The following WDR4 variants were observed in gnomAD, a reference collection of about 807,000 sequenced individuals.
The protein encoded by WDR4 is tRNA (guanine-N(7)-)-methyltransferase non-catalytic subunit WDR4.
Under a neutral mutation model 48.6 loss-of-function variants are expected in WDR4, and 47 were observed. That is an observed-to-expected ratio of 0.97 (90% CI 0.77 to 1.23). WDR4 has a LOEUF of 1.23. Among genes scored for constraint, WDR4 ranks in the 50% most tolerant of loss-of-function variants. The pLI, the probability that WDR4 is intolerant of heterozygous loss-of-function variation, is 0.00. For missense variants in WDR4, 606 were observed against 551.6 expected, an observed-to-expected ratio of 1.10 and a Z score of -0.99; for synonymous variants, 268 against 230.0, an observed-to-expected ratio of 1.17 and a Z score of -1.49.
At chr21:42,879,836 T>G, upstream of WDR4, 1 of 408,602 alleles carries the variant, frequency 2.4e-6, no homozygotes, top group Non-Finnish European at 4.3e-6. Context: ...TGGAGAGACG[T>G]AGGACCTGAT....
rs368863376 is a variant in WDR4, at chr21:42,856,018, C to A, written c.628-238G>T. Among the ~76,000 whole-genome samples, 25 of 152,318 alleles carry A rather than the reference C, an allele frequency of 1.6e-4. 4 individuals carry two copies. In the South Asian group the frequency reaches 1.9e-3, roughly 11 times the overall value. On this transcript the variant is annotated intron_variant, in intron 6 of 10. Transcript: ENST00000398208. ...TTTCTCGAGTGCCAATATGCCCAGG[C>A]AGATGACAAAGCCAATGAGGCAGAT...
In WDR4 at chr21:42,862,052, C is replaced by T. The variant is rs375888338; in HGVS notation, c.566+230G>A. 8.4e-4 allele frequency among the ~76,000 whole-genome samples: 128 copies of T among 152,306 alleles called. 1 individual carries two copies. The highest frequency in any genetic ancestry group is 2.9e-3 in the African/African-American group (120 of 41,564). On this transcript the variant is annotated intron_variant, in intron 5 of 10. Coordinates refer to ENST00000398208, the MANE Select transcript of WDR4 (RefSeq NM_018669.6). The surrounding 1 kb of genome is among the most constrained non-coding windows in gnomAD (Gnocchi z 4.3). ...CAAGCCCTTCCTGTTCGGTCAGGCC[C>T]AATGCCAAGTTACTGGCACAGACTC...
Position 42,864,048 on chromosome 21 carries a change from A to G in WDR4, c.297-452T>C, listed in dbSNP as rs1192026252. Among the ~76,000 whole-genome samples the G allele has an allele frequency of 7.6e-5, 6 of 78,498 alleles. No homozygotes were observed. The East Asian group carries it at 1.1e-3, about 14-fold the overall frequency. 51.5% of individuals were successfully genotyped at this position (78,498 alleles called of 152,430 possible). A position where few individuals can be genotyped will look rare whatever the true frequency, so the allele number is the denominator to read the frequency against. ...CGTGAACCCGGGAGGCGGAGCTTGCAGTGAGCCGAGATCCCGCCACCGCAC... is the reference window on the plus strand; with the variant it reads ...CGTGAACCCGGGAGGCGGAGCTTGCGGTGAGCCGAGATCCCGCCACCGCAC... On this transcript the variant is annotated intron_variant, in intron 3 of 10. Transcript: ENST00000398208.
At chr21:42,850,442 T>A (rs1283510856) in intron 10 of WDR4, among the ~76,000 whole-genome samples, 200 bp from the exon 11 acceptor site, 2 of 152,180 alleles carry the variant, frequency 1.3e-5, no homozygotes, top group African/African-American at 4.8e-5. Context: ...GACTGGCTAC[T>A]AACAGAACGG....
At chr21:42,873,078 C>T (rs1009938007) in intron 3 of WDR4, among the ~76,000 whole-genome samples, 8 of 152,350 alleles carry the variant, frequency 5.3e-5, no homozygotes, top group African/African-American at 1.9e-4. Context: ...TCCCCATCCA[C>T]TCTTCAGATA....
At chr21:42,887,887 A>T in the WDR4 span, among the ~76,000 whole-genome samples, 1 of 151,976 alleles carries the variant, frequency 6.6e-6, no homozygotes, top group African/African-American at 2.4e-5. Context: ...GTGCTACTGC[A>T]CTCCAGCCTG....
chr21:42,874,595 C>G (rs1027246212), intron 2 of WDR4, among the ~76,000 whole-genome samples: 22 of 152,054 alleles, frequency 1.4e-4, no homozygotes, highest in African/African-American at 5.1e-4. Context: ...AAAGAGAATG[C>G]GCCCCTGAGG....
In WDR4 at chr21:42,854,641, A is replaced by G. The variant is rs751039981; in HGVS notation, c.727-15T>C. ...GCGGCAAACTTCTAAAAGGAGAAGA[A>G]GCCCATTAACTTCACGCCACCTGCA... On this transcript the variant is annotated splice_polypyrimidine_tract_variant and intron_variant, in intron 7 of 10. Coordinates refer to ENST00000398208, the MANE Select transcript of WDR4 (RefSeq NM_018669.6). 2 of 1,612,688 alleles carry G rather than the reference A, an allele frequency of 1.2e-6. No homozygotes were observed. Among genetic ancestry groups the G allele is most frequent in the Non-Finnish European group, 1.7e-6 (2 of 1,179,536 alleles).
Position 42,877,253 on chromosome 21 carries a change from C to G in WDR4, c.90-486G>C, listed in dbSNP as rs1229112318. Among the ~76,000 whole-genome samples, 7 of 150,740 alleles carry G rather than the reference C, an allele frequency of 4.6e-5. No individual in the cohort carries two copies. In the South Asian group the frequency reaches 1.3e-3, roughly 27 times the overall value. ...CCCCCTCCTGGATTCAAGCAATTCT[C>G]CCGCCTCAGCCTTCCCGGTAGCTGG... On this transcript the variant is annotated intron_variant, in intron 1 of 10. Transcript: ENST00000398208.
intron 5 of WDR4, among the ~76,000 whole-genome samples, chr21:42,860,186 T>TGGAGGGAGGAGGGC (rs1322184793): frequency 5.9e-5 from 9 of 151,666 alleles, no homozygotes; most frequent in African/African-American, 1.5e-4. Flanking sequence ...GGGAGGAGGG[T>TGGAGGGAGGAGGGC]GGAGGGAGGA....
intron 1 of WDR4, among the ~76,000 whole-genome samples, 155 bp from the exon 2 acceptor site, chr21:42,876,922 G>C (rs1298015225): frequency 2.0e-5 from 3 of 151,786 alleles, no homozygotes; most frequent in African/African-American, 4.8e-5. Flanking sequence ...AGGTTCAAAC[G>C]ATTCTCCTGC....
At chr21:42,863,731 G>T in intron 3 of WDR4, 135 bp from the exon 4 acceptor site, 1 of 1,017,930 alleles carries the variant, frequency 9.8e-7, no homozygotes, top group Non-Finnish European at 1.4e-6. Context: ...TGAAGGTGGT[G>T]CCAAAAAAAT....
chr21:42,854,478 G>C lies in WDR4; in HGVS notation c.791+84C>G, dbSNP rs531392063. The C allele has an allele frequency of 9.8e-5, 136 of 1,386,724 alleles. 2 individuals are homozygous for C. The South Asian group carries it at 1.8e-3, about 18-fold the overall frequency. The allele number at this position is 1,386,724 out of a possible 1,614,324, so 85.9% of individuals were successfully genotyped here. On this transcript the variant is annotated intron_variant, in intron 8 of 10. Coordinates refer to ENST00000398208, the MANE Select transcript of WDR4 (RefSeq NM_018669.6). Reference sequence around the variant, plus strand: ...CACCGTTCAGGACCTCTTCATTGAGGACGTGGGCCAGTGGCCAACCCGCTA... The same window carrying C: ...CACCGTTCAGGACCTCTTCATTGAGCACGTGGGCCAGTGGCCAACCCGCTA...
chr21:42,879,741 T>G, upstream of WDR4: 1 of 506,040 alleles, frequency 2.0e-6, no homozygotes. Context: ...TGGAGTGCAC[T>G]TCGCACGATT....
chr21:42,857,537 A>G (rs2058023992), intron 6 of WDR4, among the ~76,000 whole-genome samples: 1 of 152,220 alleles, frequency 6.6e-6, no homozygotes, highest in East Asian at 1.9e-4. Flanking sequence ...CACTCCAGAG[A>G]AGGCAATCAA....
At chr21:42,883,143 T>C (rs1262552525), upstream of WDR4, among the ~76,000 whole-genome samples, 2 of 145,550 alleles carry the variant, frequency 1.4e-5, no homozygotes, top group Admixed American at 7.0e-5. Context: ...GGAGTGGTGG[T>C]GCGTGCCTGT....
At chr21:42,859,592 GA>G in intron 6 of WDR4, 69 bp downstream of exon 6, 1 of 585,592 alleles carries the variant, frequency 1.7e-6, no homozygotes, top group Non-Finnish European at 2.8e-6. Flanking sequence ...CCAGGTCCAG[GA>G]GGCGCCCACC....
upstream of WDR4, chr21:42,879,595 A>G (rs186936826): frequency 1.8e-5 from 26 of 1,444,118 alleles, no homozygotes; most frequent in Non-Finnish European, 2.3e-5. Context: ...GAGATGACGT[A>G]TACCCCACGT....
At chr21:42,872,755 G>C (rs2058401401) in intron 3 of WDR4, among the ~76,000 whole-genome samples, 1 of 152,114 alleles carries the variant, frequency 6.6e-6, no homozygotes, top group Non-Finnish European at 1.5e-5. Flanking sequence ...GGCTAACATG[G>C]TGAAATCCCA....
Sources: gnomAD v4.1 joint callset for allele counts (sites outside exome capture counted in the v4.1 genomes callset) on GRCh38, gnomAD v4.1.1 for gene constraint, Gnocchi (gnomAD v3.1) non-coding constraint, MANE v1.5 for transcripts, NCBI Gene and HGNC (gene_info 2026-07-23, HGNC 2026-07-21) for gene names.